The following SPTLC3 variants were observed in gnomAD, a reference collection of about 807,000 sequenced individuals.
The protein encoded by SPTLC3 is serine palmitoyltransferase long chain base subunit 3, also known as serine palmitoyltransferase 3.
In SPTLC3, 36 loss-of-function variants were observed where a neutral mutation model predicts 59.3. That is an observed-to-expected ratio of 0.61 (90% CI 0.47 to 0.80). SPTLC3 has a LOEUF of 0.80. Ranked by LOEUF, SPTLC3 falls within the 30% of genes least tolerant of loss-of-function variation. SPTLC3 has a pLI of 0.00. For missense variants in SPTLC3, 625 were observed against 685.1 expected, an observed-to-expected ratio of 0.91 and a Z score of 0.98; for synonymous variants, 257 against 240.8, an observed-to-expected ratio of 1.07 and a Z score of -0.62.
intron 1 of SPTLC3, among the ~76,000 whole-genome samples, chr20:13,040,566 G>A (rs1986935169): frequency 6.6e-6 from 1 of 152,100 alleles, no homozygotes; most frequent in Non-Finnish European, 1.5e-5. Context: ...CACCATGTTG[G>A]CCAGGATGGT....
chr20:13,042,264 G>C (rs77523739), intron 1 of SPTLC3, among the ~76,000 whole-genome samples: 6,908 of 152,214 alleles, frequency 0.045, 214 homozygotes, highest in South Asian at 0.082. Flanking sequence ...CTTTAATCTT[G>C]AACTTCCCTA....
At chr20:13,028,585 A>G (rs1235396014) in intron 1 of SPTLC3, among the ~76,000 whole-genome samples, 1 of 152,196 alleles carries the variant, frequency 6.6e-6, no homozygotes, top group Non-Finnish European at 1.5e-5. Flanking sequence ...ACACATATAT[A>G]TCATTTTTAA....
At chr20:13,072,176 G>C (rs936145184) in intron 2 of SPTLC3, 80 bp from the exon 3 acceptor site, 1 of 1,455,988 alleles carries the variant, frequency 6.9e-7, no homozygotes, top group Middle Eastern at 2.0e-4. Flanking sequence ...AGCTCTTCCA[G>C]GTCTTCTTCC....
intron 9 of SPTLC3, among the ~76,000 whole-genome samples, chr20:13,149,874 G>A (rs374314628): frequency 3.3e-5 from 5 of 152,296 alleles, no homozygotes; most frequent in East Asian, 1.9e-4. Flanking sequence ...ATAGGCAAGC[G>A]CAAAGATAAT....
At chr20:13,085,770 T>TACCA (rs1401920411) in intron 4 of SPTLC3, among the ~76,000 whole-genome samples, 1 of 152,212 alleles carries the variant, frequency 6.6e-6, no homozygotes, top group African/African-American at 2.4e-5. Flanking sequence ...AGATAGAATA[T>TACCA]TGGTACTTTA....
intron 10 of SPTLC3, 74 bp from the exon 11 acceptor site, chr20:13,159,929 C>A: frequency 6.9e-7 from 1 of 1,443,378 alleles, no homozygotes; most frequent in South Asian, 1.6e-5. Context: ...TAGCCATATT[C>A]CTTTTTTGTC....
At chr20:13,078,223 T>A (rs376015485) in intron 4 of SPTLC3, among the ~76,000 whole-genome samples, 1 of 118,416 alleles carries the variant, frequency 8.4e-6, no homozygotes. Flanking sequence ...TAATATAATA[T>A]TATACATAGT....
chr20:13,129,831 A>G (rs370865321), intron 9 of SPTLC3, among the ~76,000 whole-genome samples: 2 of 152,300 alleles, frequency 1.3e-5, no homozygotes, highest in East Asian at 3.9e-4. Context: ...GAGGTAGTAG[A>G]TATTTCCCTT....
At chr20:13,128,962 C>T (rs370698020) in intron 9 of SPTLC3, among the ~76,000 whole-genome samples, 9 of 151,574 alleles carry the variant, frequency 5.9e-5, no homozygotes, top group Non-Finnish European at 7.4e-5. Flanking sequence ...CTGCAACCTC[C>T]GCCTCCTGGG....
chr20:13,106,486 G>T (rs1989905698), intron 6 of SPTLC3, among the ~76,000 whole-genome samples: 1 of 152,188 alleles, frequency 6.6e-6, no homozygotes, highest in African/African-American at 2.4e-5. Context: ...CTTCAGTGAT[G>T]AGTGAGCATT....
intron 1 of SPTLC3, among the ~76,000 whole-genome samples, chr20:13,035,421 A>T (rs1986690259): frequency 1.3e-5 from 2 of 152,122 alleles, no homozygotes; most frequent in Non-Finnish European, 2.9e-5. Flanking sequence ...GGTTCTGCTA[A>T]ATAGGAGCTT....
rs188928525 is a variant in SPTLC3, at chr20:13,090,785, T to C, written c.608-298T>C. ...TACAGCCTGTACTTTTTTAGATGTC[T>C]GACTTTTTTCACTCAACAACAGATT... On this transcript the variant is annotated intron_variant, in intron 4 of 11. Transcript: ENST00000399002. Among the ~76,000 whole-genome samples, 10 of 152,364 alleles carry C rather than the reference T, an allele frequency of 6.6e-5. No individual in the cohort carries two copies. The East Asian group carries it at 1.7e-3, about 26-fold the overall frequency.
At chr20:13,040,223 C>T (rs1399728077) in intron 1 of SPTLC3, among the ~76,000 whole-genome samples, 1 of 152,030 alleles carries the variant, frequency 6.6e-6, no homozygotes, top group African/African-American at 2.4e-5. Context: ...TAGTTTTGCT[C>T]ACATCCAATT....
rs926015175 is a variant in SPTLC3, at chr20:13,066,167, T to A, written c.304-6089T>A. 2.3e-4 allele frequency among the ~76,000 whole-genome samples: 13 copies of A among 56,388 alleles called. No individual in the cohort carries two copies. In the East Asian group the frequency reaches 5.3e-3, roughly 23 times the overall value. 37.0% of individuals were successfully genotyped at this position (56,388 alleles called of 152,430 possible). ...ACGTAAGTGAGATCATATGCAGTAGTGTTTCTTTCTAATAGTGTTACAGTT... is the reference window on the plus strand; with the variant it reads ...ACGTAAGTGAGATCATATGCAGTAGAGTTTCTTTCTAATAGTGTTACAGTT... On this transcript the variant is annotated intron_variant, in intron 2 of 11. Coordinates refer to ENST00000399002, the MANE Select transcript of SPTLC3 (RefSeq NM_018327.4).
chr20:13,103,870 G>A (rs1159209107), intron 6 of SPTLC3, among the ~76,000 whole-genome samples: 1 of 152,216 alleles, frequency 6.6e-6, no homozygotes, highest in African/African-American at 2.4e-5. Flanking sequence ...AAATGTCTGG[G>A]TTTTTTCTTC....
chr20:13,129,923 T>C (rs73085885), intron 9 of SPTLC3, among the ~76,000 whole-genome samples: 4,051 of 152,220 alleles, frequency 0.027, 70 homozygotes, highest in African/African-American at 0.032. Context: ...ACTTTACTCC[T>C]CTTGTCATCT....
intron 4 of SPTLC3, among the ~76,000 whole-genome samples, chr20:13,075,287 C>T (rs1988604727): frequency 6.6e-6 from 1 of 152,110 alleles, no homozygotes; most frequent in Non-Finnish European, 1.5e-5. Flanking sequence ...TCTACTACAG[C>T]CCTTCTCCCT....
In SPTLC3 at chr20:13,167,903, A is replaced by C. The variant is rs1271657770; in HGVS notation, c.*3036A>C. The C allele has an allele frequency of 1.3e-5, 2 of 152,166 alleles. No individual in the cohort carries two copies. Among genetic ancestry groups the C allele is most frequent in the African/African-American group, 2.4e-5 (1 of 41,420 alleles). 9.4% of individuals were successfully genotyped at this position (152,166 alleles called of 1,614,324 possible). A position where few individuals can be genotyped will look rare whatever the true frequency, so the allele number is the denominator to read the frequency against. On this transcript the variant is annotated 3_prime_UTR_variant, in exon 12 of 12. Transcript: ENST00000399002. ...ATTCAAACTCTAATTTGATAAACCA[A>C]TTGACTCTAATAGCAGGAACCTTGT...
At chr20:13,106,940 T>A (rs1457035499) in intron 6 of SPTLC3, among the ~76,000 whole-genome samples, 1 of 152,156 alleles carries the variant, frequency 6.6e-6, no homozygotes, top group Non-Finnish European at 1.5e-5. Flanking sequence ...CGTTCTCCAC[T>A]GGTGAGAGGA....
Sources: gnomAD v4.1 joint callset for allele counts (sites outside exome capture counted in the v4.1 genomes callset) on GRCh38, gnomAD v4.1.1 for gene constraint, MANE v1.5 for transcripts, NCBI Gene and HGNC (gene_info 2026-07-23, HGNC 2026-07-21) for gene names.